Variants in PARVA observed in about 807,000 individuals in gnomAD.
The protein encoded by PARVA is parvin alpha, also known as alpha-parvin.
A neutral mutation model predicts 52.6 loss-of-function variants in PARVA; 25 were observed. The ratio of observed to expected loss-of-function variants is 0.48; its 90% CI spans 0.35 to 0.66. The LOEUF is 0.66. Ranked by LOEUF, PARVA falls within the 30% of genes least tolerant of loss-of-function variation. The pLI is 0.01. For missense variants in PARVA, 373 were observed against 450.9 expected (o/e 0.83, Z 1.56); for synonymous variants, 185 against 179.1 (o/e 1.03, Z -0.26).
chr11:12,510,641 G>C (rs1205765397), intron 7 of PARVA, among the ~76,000 whole-genome samples: 1 of 152,200 alleles, frequency 6.6e-6, no homozygotes, highest in Non-Finnish European at 1.5e-5. Context: ...ATCATGGCAG[G>C]AGGCAAAAGG....
intron 3 of PARVA, among the ~76,000 whole-genome samples, chr11:12,475,748 T>TGGCTAGGCCGCCATGCAGCCCC (rs759675225): frequency 0.097 from 14,164 of 146,776 alleles, 829 homozygotes; most frequent in South Asian, 0.18. Flanking sequence ...GAGGCAGCCT[T>TGGCTAGGCCGCCATGCAGCCCC]GGCTAGGCCG....
chr11:12,497,062 A>G (rs1169053083), intron 5 of PARVA, among the ~76,000 whole-genome samples: 1 of 152,220 alleles, frequency 6.6e-6, no homozygotes. Context: ...AAGAGCAAAG[A>G]TATGGCTGAG....
chr11:12,523,389 G>A (rs1020469204), intron 12 of PARVA, among the ~76,000 whole-genome samples: 1 of 152,166 alleles, frequency 6.6e-6, no homozygotes, highest in African/African-American at 2.4e-5. Context: ...CCTTGGTCAA[G>A]GGGTTCAGAG....
chr11:12,528,985 T>A lies in PARVA; in HGVS notation c.*1060T>A, dbSNP rs1048749237. 5.2e-5 allele frequency: 8 copies of A among 152,638 alleles called. No individual in the cohort carries two copies. The highest frequency in any genetic ancestry group is 1.9e-4 in the African/African-American group (8 of 41,446). The allele number at this position is 152,638 out of a possible 1,614,324, so 9.5% of individuals were successfully genotyped here. On this transcript the variant is annotated 3_prime_UTR_variant, in exon 13 of 13. Transcript: ENST00000334956. ...TAAATTCATTATCGTTAAGCAAATG[T>A]ACAATATGCTCAGGCACCGCAGAGA... is the stretch of plus-strand genomic sequence containing the variant.
intron 1 of PARVA, among the ~76,000 whole-genome samples, chr11:12,409,014 G>A (rs995925102): frequency 1.3e-5 from 2 of 152,238 alleles, no homozygotes; most frequent in African/African-American, 4.8e-5. Context: ...GAGGACCTGG[G>A]AGAGGCCGAG....
upstream of PARVA, chr11:12,376,716 G>T: frequency 3.0e-6 from 3 of 984,762 alleles, no homozygotes; most frequent in South Asian, 1.4e-4. Flanking sequence ...CAAAGAGCCA[G>T]AGTGAGAACT....
chr11:12,500,090 G>A (rs1419905028), intron 5 of PARVA, among the ~76,000 whole-genome samples: 1 of 152,116 alleles, frequency 6.6e-6, no homozygotes, highest in Non-Finnish European at 1.5e-5. Context: ...GTATGTTAGG[G>A]CCAAAGGGTG....
chr11:12,425,129 C>T (rs1369866348), intron 1 of PARVA, among the ~76,000 whole-genome samples: 1 of 152,124 alleles, frequency 6.6e-6, no homozygotes, highest in Non-Finnish European at 1.5e-5. Flanking sequence ...TTGAACAGTT[C>T]GAGATGTTCT....
At chr11:12,397,300 C>A (rs1939762436) in intron 1 of PARVA, among the ~76,000 whole-genome samples, 1 of 152,184 alleles carries the variant, frequency 6.6e-6, no homozygotes, top group African/African-American at 2.4e-5. Context: ...TGGGCTCAAG[C>A]AATCCCTCTG....
intron 1 of PARVA, among the ~76,000 whole-genome samples, chr11:12,405,423 G>C (rs543323755): frequency 6.6e-6 from 1 of 152,176 alleles, no homozygotes; most frequent in Non-Finnish European, 1.5e-5. Flanking sequence ...AGAAAAGCCA[G>C]GAGTGTTGCC....
chr11:12,398,589 C>T (rs924375143), intron 1 of PARVA, among the ~76,000 whole-genome samples: 1 of 151,126 alleles, frequency 6.6e-6, no homozygotes, highest in South Asian at 2.1e-4. Flanking sequence ...CTGTGCCTAG[C>T]CCAGTGTCCT....
intron 1 of PARVA, among the ~76,000 whole-genome samples, chr11:12,467,490 A>G (rs1208471126): frequency 6.6e-6 from 1 of 152,174 alleles, no homozygotes. Flanking sequence ...AACATAATGT[A>G]TGATGTTAGG....
chr11:12,521,419 C>A (rs979148131), intron 12 of PARVA, among the ~76,000 whole-genome samples: 1 of 152,184 alleles, frequency 6.6e-6, no homozygotes, highest in African/African-American at 2.4e-5. Context: ...TTCTAAATTG[C>A]TAGAACCATT....
At chr11:12,478,334 C>G (rs1941042748) in intron 4 of PARVA, 2 of 347,202 alleles carry the variant, frequency 5.8e-6, no homozygotes, top group Admixed American at 7.9e-5. Flanking sequence ...ACCTCTGTCA[C>G]CTTCAGATGC....
At chr11:12,485,247 A>T (rs898185938) in intron 4 of PARVA, among the ~76,000 whole-genome samples, 1 of 152,164 alleles carries the variant, frequency 6.6e-6, no homozygotes, top group African/African-American at 2.4e-5. Flanking sequence ...ATGGAGGGAA[A>T]ATGCTGTAGA....
intron 1 of PARVA, among the ~76,000 whole-genome samples, chr11:12,472,382 A>C (rs1315135667): frequency 6.6e-6 from 1 of 152,194 alleles, no homozygotes. Context: ...TGTTTCTGTC[A>C]TGTTTTATGG....
chr11:12,408,323 G>A (rs1939944212), intron 1 of PARVA, among the ~76,000 whole-genome samples: 1 of 152,156 alleles, frequency 6.6e-6, no homozygotes, highest in Admixed American at 6.5e-5. Context: ...CCTGGTTTGT[G>A]GTGAGCACAT....
At chr11:12,492,548 GC>G (rs140420480) in intron 4 of PARVA, among the ~76,000 whole-genome samples, 4,214 of 152,248 alleles carry the variant, frequency 0.028, 114 homozygotes, top group East Asian at 0.11. Context: ...ATTTGAGGGG[GC>G]CTCTTATATT....
At position 12,473,757 on chromosome 11, in the gene PARVA, A is replaced by T. The variant is rs879087779; in HGVS notation, c.149A>T (p.Gln50Leu). The change falls in exon 2 of 13, where the codon CAG becomes CTG. Residue 50 changes from glutamine (Q) to leucine (L), a missense_variant. Physicochemically the swap from Gln to Leu is moderately radical, Grantham distance 113. Coordinates refer to ENST00000334956, the MANE Select transcript of PARVA (RefSeq NM_018222.5). ...RKKAKEVSEL[Q>L]EEGMNAINLP... Reference sequence around the variant, plus strand: ...CCTTTTCTTCCAGTGTCCGAGCTGCAGGAGGAGGGAATGAACGCCATCAAC... The same window carrying T: ...CCTTTTCTTCCAGTGTCCGAGCTGCTGGAGGAGGGAATGAACGCCATCAAC... 6.4e-6 allele frequency: 10 copies of T among 1,564,414 alleles called. No individual in the cohort carries two copies. The highest frequency in any genetic ancestry group is 8.7e-6 in the Non-Finnish European group (10 of 1,153,630).
Sources: allele counts gnomAD v4.1 joint callset (sites outside exome capture counted in the v4.1 genomes callset), GRCh38; gene constraint gnomAD v4.1.1; transcripts MANE v1.5; gene names NCBI Gene and HGNC (gene_info 2026-07-23, HGNC 2026-07-21).